Variants in EEF2 observed in about 807,000 individuals in gnomAD.
The protein encoded by EEF2 is eukaryotic translation elongation factor 2.
Under a neutral mutation model 85.3 loss-of-function variants are expected in EEF2, and 21 were observed. The ratio of observed to expected loss-of-function variants is 0.25; its 90% CI spans 0.17 to 0.35. The LOEUF (loss-of-function observed/expected upper bound fraction) is 0.35, where lower values mean the gene tolerates loss of function less well. Among genes scored for constraint, EEF2 ranks in the 10% least tolerant of loss-of-function variants. The probability of loss-of-function intolerance (pLI) is 1.00; values close to 1 mark genes in which losing one functional copy is unlikely to be tolerated. For synonymous variants in EEF2, 723 were observed against 508.8 expected, an observed-to-expected ratio of 1.42 and a Z score of -5.67; for missense variants, 825 against 1,225.3, an observed-to-expected ratio of 0.67 and a Z score of 4.88.
At position 3,979,762 on chromosome 19, in the gene EEF2, T is replaced by TC. The variant is rs780591593; in HGVS notation, c.1605+45dup. 23 of 1,588,284 alleles carry TC rather than the reference T, an allele frequency of 1.4e-5. No individual in the cohort carries two copies. In the East Asian group the frequency reaches 1.8e-4, roughly 12 times the overall value. ...CAGCCACAACTCAGGACACAAGCCG[T>TC]CCCCCCTCAGGGTGTCTGCTCCCAG... On this transcript the variant is annotated intron_variant, in intron 10 of 14. Transcript: ENST00000309311.
At chr19:3,981,279 G>C in intron 7 of EEF2, 60 bp downstream of exon 7, 1 of 1,529,486 alleles carries the variant, frequency 6.5e-7, no homozygotes, top group Non-Finnish European at 9.1e-7. Flanking sequence ...TGGGCTGTCA[G>C]AGCATCCGGA....
In EEF2 at chr19:3,977,190, C is replaced by T; in HGVS notation, c.2383+25G>A. The T allele has an allele frequency of 6.2e-7, 1 of 1,608,948 alleles. No individual in the cohort carries two copies. ...CCCCAAACCAGCCTGCCAGGCTCTG[C>T]AGGCCACACCGGGCAGGCACTCACC... On this transcript the variant is annotated intron_variant, in intron 14 of 14. Transcript: ENST00000309311. This position sits in a 1 kb window ranked among gnomAD's most constrained non-coding sequence, Gnocchi z 5.4.
intron 1 of EEF2, 60 bp from the exon 2 acceptor site, chr19:3,984,410 G>T: frequency 6.4e-7 from 1 of 1,570,174 alleles, no homozygotes; most frequent in South Asian, 1.1e-5. Flanking sequence ...GCATGGCACG[G>T]AGCGTTCAGT....
intron 1 of EEF2, chr19:3,985,160 G>C (rs1050113339): frequency 8.8e-6 from 4 of 452,918 alleles, no homozygotes; most frequent in African/African-American, 2.0e-5. Context: ...ACCAGGTCTG[G>C]GCAAGGTTAT....
chr19:3,982,700 T>C, intron 4 of EEF2, 107 bp downstream of exon 4: 3 of 1,308,024 alleles, frequency 2.3e-6, no homozygotes, highest in Non-Finnish European at 3.2e-6. Context: ...CACCCAACAT[T>C]CCTGGCAAAA....
chr19:3,983,910 C>T (rs529309444), intron 2 of EEF2: 3 of 572,084 alleles, frequency 5.2e-6, no homozygotes, highest in Non-Finnish European at 9.4e-6. Flanking sequence ...GGGAGAACCA[C>T]GGAGTTAAGC....
intron 1 of EEF2, chr19:3,984,855 A>G (rs189587617): frequency 6.4e-5 from 11 of 173,004 alleles, no homozygotes; most frequent in Admixed American, 2.3e-4. Flanking sequence ...TCGTGTCTCA[A>G]TAAGAGTCTT....
Position 3,979,992 on chromosome 19 carries a change from CCCA to C in EEF2, c.1418_1420del (p.Val473del). On this transcript the variant is annotated inframe_deletion, in exon 10 of 15. Coordinates refer to ENST00000309311, the MANE Select transcript of EEF2 (RefSeq NM_001961.4). ...CGTCTTCACCAGGAACTGGTCCACG[CCCA>C]CGAGGCCCACAATGTTCCCACAAGG... The C allele has an allele frequency of 6.2e-7, 1 of 1,613,880 alleles. No homozygotes were observed. The highest frequency in any genetic ancestry group is 8.5e-7 in the Non-Finnish European group (1 of 1,180,044).
In EEF2 at chr19:3,981,461, C is replaced by A. The variant is rs750227918; in HGVS notation, c.898-9G>T. On this transcript the variant is annotated splice_polypyrimidine_tract_variant and intron_variant, in intron 6 of 14. Coordinates refer to ENST00000309311, the MANE Select transcript of EEF2 (RefSeq NM_001961.4). ...ATGATCGCATCAAACACCTACATTC[C>A]CCACCAAGAAACAAGAAAGCCCATT... The A allele has an allele frequency of 6.2e-7, 1 of 1,611,568 alleles. No individual in the cohort carries two copies. The highest frequency in any genetic ancestry group is 1.1e-5 in the South Asian group (1 of 91,050).
At position 3,976,703 on chromosome 19, in the gene EEF2, G is replaced by T; in HGVS notation, c.2428C>A (p.Pro810Thr). ...LRSNTGGQAF[P>T]QCVFDHWQIL... ...TGCCAGTGGTCAAACACACACTGGG[G>T]GAACGCCTGGCCGCCCGTGTTGGAC... The change falls in exon 15 of 15, where the codon CCC becomes ACC. Residue 810 changes from proline to threonine, a missense_variant. By Grantham distance (38) the Pro-to-Thr change is conservative. Coordinates refer to ENST00000309311, the MANE Select transcript of EEF2 (RefSeq NM_001961.4). The T allele has an allele frequency of 6.2e-7, 1 of 1,605,212 alleles. No individual in the cohort carries two copies. The highest frequency in any genetic ancestry group is 8.5e-7 in the Non-Finnish European group (1 of 1,177,848).
Position 3,977,116 on chromosome 19 carries a change from A to C in EEF2, c.2383+99T>G. ...CCTGCTCCATCCATCACCTGCTCCC[A>C]TCAGGACGCCTCCTTTAACACCTTG... On this transcript the variant is annotated intron_variant, in intron 14 of 14. Coordinates refer to ENST00000309311, the MANE Select transcript of EEF2 (RefSeq NM_001961.4). The surrounding 1 kb of genome is among the most constrained non-coding windows in gnomAD (Gnocchi z 5.4). 6.6e-7 allele frequency: 1 copy of C among 1,521,130 alleles called. No individual in the cohort carries two copies. The highest frequency in any genetic ancestry group is 1.2e-5 in the South Asian group (1 of 80,380). 94.2% of individuals were successfully genotyped at this position (1,521,130 alleles called of 1,614,324 possible).
At chr19:3,985,011 GA>G (rs2039802070) in intron 1 of EEF2, 1 of 297,420 alleles carries the variant, frequency 3.4e-6, no homozygotes, top group Non-Finnish European at 6.2e-6. Flanking sequence ...TCCCCCGGCA[GA>G]AAATCGATCT....
Position 3,977,614 on chromosome 19 carries a change from G to GGGGA in EEF2, c.2068-8_2068-5dup. ...TGTTCTCCTCACACAGTGCGCCCTGGGGGAGGGGGAGAGCCACCGTCAAGG... is the reference window on the plus strand; with the variant it reads ...TGTTCTCCTCACACAGTGCGCCCTGGGGGAGGGAGGGGGAGAGCCACCGTCAAGG... On this transcript the variant is annotated splice_region_variant and splice_polypyrimidine_tract_variant and intron_variant, in intron 12 of 14. Transcript: ENST00000309311. This position sits in a 1 kb window ranked among gnomAD's most constrained non-coding sequence, Gnocchi z 5.4. 7 of 1,507,840 alleles carry GGGGA rather than the reference G, an allele frequency of 4.6e-6. No homozygotes were observed. The highest frequency in any genetic ancestry group is 5.3e-6 in the Non-Finnish European group (6 of 1,132,250). The allele number at this position is 1,507,840 out of a possible 1,614,324, so 93.4% of individuals were successfully genotyped here.
At chr19:3,983,078 C>T in intron 3 of EEF2, 32 bp downstream of exon 3, 1 of 1,611,940 alleles carries the variant, frequency 6.2e-7, no homozygotes, top group Non-Finnish European at 8.5e-7. Flanking sequence ...CCCCCGGTTC[C>T]AGGCCGTGCC....
chr19:3,977,139 T>G lies in EEF2; in HGVS notation c.2383+76A>C, dbSNP rs899740970. The G allele has an allele frequency of 3.1e-5, 49 of 1,568,792 alleles. No homozygotes were observed. The African/African-American group carries it at 5.9e-4, about 19-fold the overall frequency. Reference sequence around the variant, plus strand: ...CCATCAGGACGCCTCCTTTAACACCTTGCTAAGCTTAACTGGGCTTCTGTC... The same window carrying G: ...CCATCAGGACGCCTCCTTTAACACCGTGCTAAGCTTAACTGGGCTTCTGTC... On this transcript the variant is annotated intron_variant, in intron 14 of 14. Transcript: ENST00000309311. The surrounding 1 kb of genome is among the most constrained non-coding windows in gnomAD (Gnocchi z 5.4).
Position 3,976,458 on chromosome 19 carries a change from G to A in EEF2, c.*96C>T. The A allele has an allele frequency of 7.0e-7, 1 of 1,429,024 alleles. No homozygotes were observed. The highest frequency in any genetic ancestry group is 1.3e-5 in the South Asian group (1 of 78,390). The allele number at this position is 1,429,024 out of a possible 1,614,324, so 88.5% of individuals were successfully genotyped here. A position where few individuals can be genotyped will look rare whatever the true frequency, so the allele number is the denominator to read the frequency against. On this transcript the variant is annotated 3_prime_UTR_variant, in exon 15 of 15. Transcript: ENST00000309311. The stretch of plus-strand genomic sequence containing the variant: ...AAACCTCTCAGGGGAGCGTCGCTGT[G>A]TCGGGACAGTCTCCAGGTGTCGTCT...
intron 9 of EEF2, 98 bp downstream of exon 9, chr19:3,980,416 G>T (rs1293352368): frequency 1.4e-6 from 2 of 1,407,726 alleles, no homozygotes; most frequent in African/African-American, 2.9e-5. Flanking sequence ...TTCCTTCTAT[G>T]CTCCTTACTT....
rs12975326 is a variant in EEF2 at position 3,984,414 on chromosome 19, G to A, written c.4-64C>T. The A allele has an allele frequency of 0.049, 76,159 of 1,554,910 alleles. 2,266 individuals are homozygous for A. The highest frequency in any genetic ancestry group is 0.058 in the Non-Finnish European group (65,957 of 1,131,560). ...CCAGGAACACAGCATGGCACGGAGC[G>A]TTCAGTCCAAACGAACCAGCATGCC... is the stretch of plus-strand genomic sequence containing the variant. On this transcript the variant is annotated intron_variant, in intron 1 of 14. Coordinates refer to ENST00000309311, the MANE Select transcript of EEF2 (RefSeq NM_001961.4).
chr19:3,982,849 G>T lies in EEF2; in HGVS notation c.570C>A (p.Ser190=), dbSNP rs750148265. The change falls in exon 4 of 15, where the codon TCC becomes TCA. Residue 190 remains serine (S), a synonymous_variant. Coordinates refer to ENST00000309311, the MANE Select transcript of EEF2 (RefSeq NM_001961.4). ...GGCCGCTCTCGCCCTCGCCGTAGGT[G>T]GAGATGATGACGTTCACGTTCTCCA... ...RIVENVNVII[S]TYGEGESGPM... 1 of 1,613,460 alleles carries T rather than the reference G, an allele frequency of 6.2e-7. No homozygotes were observed. Among genetic ancestry groups the T allele is most frequent in the Admixed American group, 1.7e-5 (1 of 59,998 alleles).
Sources: allele counts gnomAD v4.1 joint callset, GRCh38; gene constraint gnomAD v4.1.1; non-coding constraint Gnocchi (gnomAD v3.1); transcripts MANE v1.5; gene names NCBI Gene and HGNC (gene_info 2026-07-23, HGNC 2026-07-21).